Variants in GRM8 observed in about 807,000 individuals in gnomAD.
The protein encoded by GRM8 is metabotropic glutamate receptor 8.
GRM8 carries 47 observed loss-of-function variants against 87.2 expected under a neutral mutation model. The observed-to-expected ratio is 0.54, with a 90% confidence interval of 0.43 to 0.69. The LOEUF (loss-of-function observed/expected upper bound fraction) is 0.69. Among genes scored for constraint, GRM8 ranks in the 30% least tolerant of loss-of-function variants. The pLI, the probability that GRM8 is intolerant of heterozygous loss-of-function variation, is 0.00. For missense variants in GRM8, 1,019 were observed against 1,139.2 expected (o/e 0.89, Z 1.52); for synonymous variants, 396 against 404.5 (o/e 0.98, Z 0.25).
chr7:127,066,093 T>C (rs562961433), intron 3 of GRM8, among the ~76,000 whole-genome samples: 57 of 152,350 alleles, frequency 3.7e-4, no homozygotes, highest in African/African-American at 1.3e-3. Context: ...TAATTGGTTT[T>C]TCTTAATGTT....
chr7:126,809,993 C>T (rs1397284996), intron 6 of GRM8, among the ~76,000 whole-genome samples: 1 of 152,062 alleles, frequency 6.6e-6, no homozygotes, highest in East Asian at 1.9e-4. Context: ...CAGAAAAGGA[C>T]ATAACATTTC....
intron 6 of GRM8, among the ~76,000 whole-genome samples, chr7:126,846,437 T>C (rs1459236956): frequency 6.6e-6 from 1 of 152,236 alleles, no homozygotes; most frequent in East Asian, 1.9e-4. Flanking sequence ...CTTTAGAACG[T>C]TGTCTAAGCA....
chr7:126,610,502 G>A (rs570132326), intron 7 of GRM8, among the ~76,000 whole-genome samples: 10 of 151,940 alleles, frequency 6.6e-5, no homozygotes, highest in South Asian at 2.1e-4. Context: ...TGTGCTAGAG[G>A]GTTTCCCCTT....
intron 3 of GRM8, among the ~76,000 whole-genome samples, chr7:126,944,165 T>C (rs936044152): frequency 2.6e-5 from 4 of 152,184 alleles, no homozygotes; most frequent in South Asian, 2.1e-4. Flanking sequence ...TAAGCTGACA[T>C]GGGCATTCCT....
At chr7:126,497,062 C>T (rs187393290) in intron 9 of GRM8, among the ~76,000 whole-genome samples, 37 of 149,506 alleles carry the variant, frequency 2.5e-4, no homozygotes, top group Admixed American at 1.6e-3. Context: ...ATGAAATAGG[C>T]TAATATTTAA....
At chr7:126,601,688 A>G (rs1482794203) in intron 8 of GRM8, among the ~76,000 whole-genome samples, 2 of 149,292 alleles carry the variant, frequency 1.3e-5, no homozygotes, top group African/African-American at 2.5e-5. Flanking sequence ...GCTAGTGATG[A>G]TGAGCATTTT....
intron 9 of GRM8, among the ~76,000 whole-genome samples, chr7:126,494,669 C>A (rs1808474469): frequency 6.6e-6 from 1 of 151,954 alleles, no homozygotes; most frequent in African/African-American, 2.4e-5. Context: ...CACACACACA[C>A]AAAGACAGAA....
At chr7:126,610,020 A>G (rs1798758231) in intron 7 of GRM8, among the ~76,000 whole-genome samples, 1 of 152,178 alleles carries the variant, frequency 6.6e-6, no homozygotes, top group Non-Finnish European at 1.5e-5. Flanking sequence ...AATGTGGTCT[A>G]CTGTTGGGAA....
At chr7:126,716,643 G>A (rs1038200292) in intron 7 of GRM8, among the ~76,000 whole-genome samples, 3 of 152,122 alleles carry the variant, frequency 2.0e-5, no homozygotes, top group African/African-American at 7.2e-5. Context: ...CTTCTACTCT[G>A]TTGTGTATTC....
intron 6 of GRM8, among the ~76,000 whole-genome samples, chr7:126,882,517 C>T (rs868278423): frequency 1.3e-5 from 2 of 151,878 alleles, no homozygotes; most frequent in African/African-American, 2.4e-5. Context: ...CCTATAAAAA[C>T]CTGAGTATAA....
At chr7:127,003,582 C>T (rs999154860) in intron 3 of GRM8, among the ~76,000 whole-genome samples, 1 of 151,700 alleles carries the variant, frequency 6.6e-6, no homozygotes, top group Non-Finnish European at 1.5e-5. Context: ...CTCTGGAGCA[C>T]TCCATATTAT....
chr7:126,902,549 T>A lies in GRM8; in HGVS notation c.1149A>T (p.Lys383Asn). The A allele has an allele frequency of 6.3e-7, 1 of 1,592,322 alleles. No individual in the cohort carries two copies. The highest frequency in any genetic ancestry group is 8.5e-7 in the Non-Finnish European group (1 of 1,171,962). ...SHGKRNSHIK[K>N]CTGLERIARD... The stretch of plus-strand genomic sequence containing the variant: ...AAACATTTGAGTGGTTACCTGTGCA[T>A]TTCTTTATATGACTGTTCCTTTTCC... Residue 383 changes from lysine (K) to asparagine (N), a missense_variant, in exon 6 of 11, where the codon AAA becomes AAT. By Grantham distance (94) the Lys-to-Asn change is moderately conservative. Coordinates refer to ENST00000339582, the MANE Select transcript of GRM8 (RefSeq NM_000845.3).
chr7:126,722,675 T>C (rs1016717127), intron 7 of GRM8, among the ~76,000 whole-genome samples: 1 of 152,066 alleles, frequency 6.6e-6, no homozygotes, highest in African/African-American at 2.4e-5. Context: ...CAAGAATGCA[T>C]CCATGATAAC....
At chr7:126,833,725 G>A (rs1269179585) in intron 6 of GRM8, among the ~76,000 whole-genome samples, 1 of 152,132 alleles carries the variant, frequency 6.6e-6, no homozygotes. Flanking sequence ...CTATCACATT[G>A]AGGATTATGG....
intron 8 of GRM8, among the ~76,000 whole-genome samples, chr7:126,549,342 T>G (rs776074727): frequency 1.1e-4 from 17 of 152,228 alleles, no homozygotes; most frequent in Admixed American, 4.6e-4. Context: ...AACATAAGAT[T>G]ATTTTGGTGG....
chr7:126,550,108 G>GA (rs1792414829), intron 8 of GRM8, among the ~76,000 whole-genome samples: 1 of 149,948 alleles, frequency 6.7e-6, no homozygotes, highest in Admixed American at 6.6e-5. Flanking sequence ...AATGTTTTTT[G>GA]TTTTTTTGTT....
intron 6 of GRM8, among the ~76,000 whole-genome samples, chr7:126,874,453 C>CA (rs1799371948): frequency 6.6e-6 from 1 of 152,028 alleles, no homozygotes; most frequent in Non-Finnish European, 1.5e-5. Context: ...ACCTGGACTG[C>CA]AACTAGAATC....
chr7:126,796,697 C>T (rs1373340480), intron 6 of GRM8, among the ~76,000 whole-genome samples: 1 of 152,010 alleles, frequency 6.6e-6, no homozygotes, highest in East Asian at 1.9e-4. Context: ...GAACACTAGC[C>T]CTCTGTGAAT....
chr7:126,808,093 C>T (rs1385193994), intron 6 of GRM8, among the ~76,000 whole-genome samples: 1 of 152,118 alleles, frequency 6.6e-6, no homozygotes, highest in African/African-American at 2.4e-5. Flanking sequence ...GAAAACATGA[C>T]ACTATAGGAT....
Sources: allele counts gnomAD v4.1 joint callset (sites outside exome capture counted in the v4.1 genomes callset), GRCh38; gene constraint gnomAD v4.1.1; transcripts MANE v1.5; gene names NCBI Gene and HGNC (gene_info 2026-07-23, HGNC 2026-07-21).